The following RFX4 variants were observed in gnomAD, a reference collection of about 807,000 sequenced individuals.
RFX4 encodes transcription factor RFX4.
RFX4 carries 10 observed loss-of-function variants against 95.0 expected under a neutral mutation model. That is an observed-to-expected ratio of 0.11 (90% CI 0.06 to 0.18). The LOEUF (loss-of-function observed/expected upper bound fraction) is 0.18. Among genes scored for constraint, RFX4 ranks in the 10% least tolerant of loss-of-function variants. RFX4 has a pLI of 1.00. For missense variants in RFX4, 640 were observed against 922.0 expected, an observed-to-expected ratio of 0.69 and a Z score of 3.96; for synonymous variants, 321 against 340.7, an observed-to-expected ratio of 0.94 and a Z score of 0.64.
At chr12:106,709,187 G>A in intron 8 of RFX4, 143 bp from the exon 9 acceptor site, 11 of 674,796 alleles carry the variant, frequency 1.6e-5, no homozygotes, top group Non-Finnish European at 2.3e-5. Flanking sequence ...TGGACTGTTG[G>A]CACTGTCTCT....
chr12:106,659,756 A>T (rs1258937675), intron 4 of RFX4, among the ~76,000 whole-genome samples: 1 of 152,220 alleles, frequency 6.6e-6, no homozygotes, highest in Non-Finnish European at 1.5e-5. Context: ...ACAGCCAGTA[A>T]GTGGTGGACT....
intron 14 of RFX4, among the ~76,000 whole-genome samples, chr12:106,732,474 C>G (rs2042632201): frequency 1.3e-5 from 2 of 152,196 alleles, no homozygotes; most frequent in South Asian, 4.2e-4. Flanking sequence ...CCAAGGCGGG[C>G]AGCTCACTTC....
rs1396161142 is a variant in RFX4 at position 106,642,099 on chromosome 12, CT to C, written c.191+2708del. Among the ~76,000 whole-genome samples the C allele has an allele frequency of 5.9e-5, 9 of 152,044 alleles. No individual in the cohort carries two copies. The East Asian group carries it at 1.8e-3, about 30-fold the overall frequency. ...GAGCTCGGTTCACTGTAACCTCCGCCTCTTGGGTTCAAGTGATTCTCCTGCT... is the reference window on the plus strand; with the variant it reads ...GAGCTCGGTTCACTGTAACCTCCGCCCTTGGGTTCAAGTGATTCTCCTGCT... On this transcript the variant is annotated intron_variant, in intron 3 of 17. Transcript: ENST00000392842.
chr12:106,595,835 A>G (rs560657422), intron 1 of RFX4, among the ~76,000 whole-genome samples: 36 of 152,316 alleles, frequency 2.4e-4, no homozygotes, highest in Admixed American at 9.8e-4. Context: ...TGGTTTTGCC[A>G]TGGGCTGGAT....
intron 8 of RFX4, among the ~76,000 whole-genome samples, chr12:106,702,313 T>A (rs1041977607): frequency 2.6e-5 from 4 of 152,184 alleles, no homozygotes; most frequent in African/African-American, 9.7e-5. Flanking sequence ...GAAATGGGCA[T>A]GCTTCTTCCC....
At chr12:106,727,684 A>T (rs778193128) in intron 13 of RFX4, among the ~76,000 whole-genome samples, 7 of 151,790 alleles carry the variant, frequency 4.6e-5, no homozygotes, top group Non-Finnish European at 1.0e-4. Flanking sequence ...CAATGGCACG[A>T]CCTCAGCTCA....
intron 15 of RFX4, among the ~76,000 whole-genome samples, chr12:106,745,414 C>A (rs931834853): frequency 1.4e-4 from 21 of 152,180 alleles, no homozygotes; most frequent in Admixed American, 1.3e-3. Context: ...AAAGATTCTT[C>A]AATTTATGAA....
chr12:106,649,863 G>C (rs2040825728), intron 3 of RFX4, among the ~76,000 whole-genome samples: 1 of 152,122 alleles, frequency 6.6e-6, no homozygotes. Flanking sequence ...GGTTTGCTTG[G>C]TTACTCCTGT....
At chr12:106,632,285 GT>G (rs137864655) in intron 2 of RFX4, among the ~76,000 whole-genome samples, 4,118 of 150,304 alleles carry the variant, frequency 0.027, 172 homozygotes, top group African/African-American at 0.094. Flanking sequence ...CTTGGCAGGA[GT>G]TTTTTTTTTA....
At chr12:106,623,563 G>A (rs1592862759) in intron 2 of RFX4, among the ~76,000 whole-genome samples, 2 of 152,290 alleles carry the variant, frequency 1.3e-5, no homozygotes, top group South Asian at 2.1e-4. Flanking sequence ...GTTCACTGTT[G>A]TAACCCCAGT....
intron 13 of RFX4, among the ~76,000 whole-genome samples, chr12:106,723,352 G>A (rs1217488956): frequency 6.6e-6 from 1 of 152,110 alleles, no homozygotes; most frequent in Non-Finnish European, 1.5e-5. Context: ...CTTTTTAGTC[G>A]ACTGATCTGA....
rs141170567 is a variant in RFX4, at chr12:106,596,279, G to A, written c.44-12518G>A. Among the ~76,000 whole-genome samples, 240 of 152,242 alleles carry A rather than the reference G, an allele frequency of 1.6e-3. 2 individuals carry two copies. Among genetic ancestry groups the A allele is most frequent in the African/African-American group, 5.2e-3 (218 of 41,528 alleles). ...CATGAAATCTGATGGTTTTAAAAAC[G>A]GGAGTTTCCCTGCACAAGCTCTCTT... On this transcript the variant is annotated intron_variant, in intron 1 of 17. Coordinates refer to ENST00000392842, the MANE Select transcript of RFX4 (RefSeq NM_213594.3).
chr12:106,618,174 A>G (rs1429031011), intron 2 of RFX4, among the ~76,000 whole-genome samples: 3 of 151,928 alleles, frequency 2.0e-5, no homozygotes. Context: ...TGTGATTAAC[A>G]TACGTTATAG....
intron 1 of RFX4, among the ~76,000 whole-genome samples, chr12:106,594,817 G>A (rs1207615597): frequency 5.8e-5 from 8 of 137,120 alleles, no homozygotes; most frequent in Admixed American, 3.7e-4. Context: ...AAAAAAAAAA[G>A]AAATGAAAAC....
intron 17 of RFX4, among the ~76,000 whole-genome samples, chr12:106,751,843 T>C (rs2043011898): frequency 5.9e-5 from 9 of 152,056 alleles, no homozygotes; most frequent in Admixed American, 5.9e-4. Context: ...ATTAGCCCTT[T>C]GTCAGATGAG....
At chr12:106,754,176 G>C (rs553091357) in intron 17 of RFX4, among the ~76,000 whole-genome samples, 1 of 152,292 alleles carries the variant, frequency 6.6e-6, no homozygotes, top group South Asian at 2.1e-4. Context: ...GACAAGCCAA[G>C]AAGTTGATTC....
intron 1 of RFX4, among the ~76,000 whole-genome samples, chr12:106,584,047 A>C (rs1443083973): frequency 3.3e-5 from 5 of 152,198 alleles, no homozygotes; most frequent in African/African-American, 1.2e-4. Context: ...GGAGGGCAGG[A>C]CGCAGACTGG....
chr12:106,584,931 G>C (rs1296092771), intron 1 of RFX4, among the ~76,000 whole-genome samples: 1 of 152,192 alleles, frequency 6.6e-6, no homozygotes, highest in Non-Finnish European at 1.5e-5. Context: ...CCTGCCCTGC[G>C]TGCCTCTCCG....
chr12:106,756,837 A>G (rs2043116860), intron 17 of RFX4, among the ~76,000 whole-genome samples: 1 of 152,204 alleles, frequency 6.6e-6, no homozygotes, highest in Non-Finnish European at 1.5e-5. Flanking sequence ...GGGTAATTTT[A>G]TAATTAAGAT....
Sources: allele counts gnomAD v4.1 joint callset (sites outside exome capture counted in the v4.1 genomes callset), GRCh38; gene constraint gnomAD v4.1.1; transcripts MANE v1.5; gene names NCBI Gene and HGNC (gene_info 2026-07-23, HGNC 2026-07-21).